The following USH2A variants were observed in gnomAD, a reference collection of about 807,000 sequenced individuals.
The protein encoded by USH2A is Usher syndrome 2A (autosomal recessive, mild).
Under a neutral mutation model 538.9 loss-of-function variants are expected in USH2A, and 443 were observed. The observed-to-expected ratio is 0.82, with a 90% confidence interval of 0.76 to 0.89. USH2A has a LOEUF of 0.89. Ranked by LOEUF, USH2A falls within the 40% of genes least tolerant of loss-of-function variation. The pLI, the probability that USH2A is intolerant of heterozygous loss-of-function variation, is 0.00. For missense variants in USH2A, 6,633 were observed against 6,324.8 expected, an observed-to-expected ratio of 1.05 and a Z score of -1.65; for synonymous variants, 2,413 against 2,273.5, an observed-to-expected ratio of 1.06 and a Z score of -1.75.
chr1:216,200,321 T>G (rs2102468052), intron 16 of USH2A, among the ~76,000 whole-genome samples, 200 bp from the exon 17 acceptor site: 1 of 152,340 alleles, frequency 6.6e-6, no homozygotes, highest in East Asian at 1.9e-4. Context: ...TATAAGAAAG[T>G]ATCATTCATA....
intron 47 of USH2A, among the ~76,000 whole-genome samples, chr1:215,836,548 TATATA>T (rs1177538760): frequency 5.4e-5 from 1 of 18,408 alleles, no homozygotes; most frequent in African/African-American, 1.9e-4. Flanking sequence ...ATATAATATA[TATATA>T]TATATATATA....
chr1:216,073,090 A>G lies in USH2A; in HGVS notation c.5776+7T>C, dbSNP rs397518020. ...GTAACATTTAATTTAGAGGACCTCCACATTACCTGTAAAAGGCTGGAGACC... is the reference window on the plus strand; with the variant it reads ...GTAACATTTAATTTAGAGGACCTCCGCATTACCTGTAAAAGGCTGGAGACC... On this transcript the variant is annotated splice_region_variant and intron_variant, in intron 28 of 71. Coordinates refer to ENST00000307340, the MANE Select transcript of USH2A (RefSeq NM_206933.4). The G allele has an allele frequency of 1.2e-6, 2 of 1,613,732 alleles. No individual in the cohort carries two copies. Among genetic ancestry groups the G allele is most frequent in the African/African-American group, 2.7e-5 (2 of 74,914 alleles).
chr1:216,365,027 A>G lies in USH2A; in HGVS notation c.710T>C (p.Phe237Ser), dbSNP rs2038567820. 1 of 1,613,638 alleles carries G rather than the reference A, an allele frequency of 6.2e-7. No individual in the cohort carries two copies. Among genetic ancestry groups the G allele is most frequent in the Admixed American group, 1.7e-5 (1 of 59,986 alleles). ...INGVEKDHTP[F>S]NARTLSGSIT... ...TGAACCACTTAGAGTTCTTGCATTG[A>G]AAGGTGTATGATCCTTCTCCACGCC... Residue 237 changes from phenylalanine (F) to serine (S), a missense_variant, in exon 4 of 72, where the codon TTC becomes TCC. Transcript: ENST00000307340.
intron 69 of USH2A, among the ~76,000 whole-genome samples, chr1:215,636,171 C>A (rs1330130037): frequency 6.6e-6 from 1 of 152,172 alleles, no homozygotes; most frequent in Non-Finnish European, 1.5e-5. Flanking sequence ...ACTCACTGGA[C>A]AAATCTCCCC....
intron 15 of USH2A, among the ~76,000 whole-genome samples, chr1:216,212,907 C>T (rs968106040): frequency 1.8e-4 from 28 of 152,194 alleles, no homozygotes; most frequent in African/African-American, 6.7e-4. Context: ...GGGAAAATTA[C>T]TTCTATCTTA....
In USH2A at chr1:215,640,623, T is replaced by C; in HGVS notation, c.14903A>G (p.Asp4968Gly). Reference sequence around the variant, plus strand: ...GCCGCTGTACACGCGTCGCCCTCCGTCGGTTAACACGTACTCCTTCAGTTG... The same window carrying C: ...GCCGCTGTACACGCGTCGCCCTCCGCCGGTTAACACGTACTCCTTCAGTTG... ...NGQLKEYVLTDGGRRVYSGLD... is the reference protein window; with the variant it reads ...NGQLKEYVLTGGGRRVYSGLD... Residue 4968 changes from aspartate (D) to glycine (G), a missense_variant, in exon 68 of 72, where the codon GAC (aspartate) becomes GGC (glycine). Transcript: ENST00000307340. 6.2e-7 allele frequency: 1 copy of C among 1,613,754 alleles called. No individual in the cohort carries two copies. Among genetic ancestry groups the C allele is most frequent in the Non-Finnish European group, 8.5e-7 (1 of 1,179,940 alleles).
chr1:216,116,567 C>A (rs980726543), intron 21 of USH2A, among the ~76,000 whole-genome samples: 6 of 152,082 alleles, frequency 3.9e-5, no homozygotes, highest in Admixed American at 1.3e-4. Flanking sequence ...GCAATTGGAC[C>A]AATACGATAC....
Position 216,190,242 on chromosome 1 carries a change from T to A in USH2A, c.4377A>T (p.Ala1459=). 6.2e-7 allele frequency: 1 copy of A among 1,612,464 alleles called. No individual in the cohort carries two copies. The highest frequency in any genetic ancestry group is 1.7e-5 in the Admixed American group (1 of 59,814). The change falls in exon 20 of 72, where the codon GCA becomes GCT. Residue 1459 remains alanine, a synonymous_variant. Coordinates refer to ENST00000307340, the MANE Select transcript of USH2A (RefSeq NM_206933.4). ...GCTTACCTGCTGCTAAAGTTTGTCC[T>A]GCTCCCGAAGCACTGGTCACACAAC... ...SVGCVTSASG[A]GQTLAAAPAQ... is the part of the protein sequence containing the mutation.
At chr1:216,209,481 A>G (rs775624235) in intron 15 of USH2A, among the ~76,000 whole-genome samples, 8 of 152,218 alleles carry the variant, frequency 5.3e-5, no homozygotes, top group Admixed American at 3.3e-4. Context: ...CTGCAAACTA[A>G]GCAAAGACTT....
At chr1:216,310,305 C>G (rs1187498612) in intron 9 of USH2A, among the ~76,000 whole-genome samples, 1 of 151,982 alleles carries the variant, frequency 6.6e-6, no homozygotes, top group Non-Finnish European at 1.5e-5. Flanking sequence ...AATATATCAA[C>G]TATACCTTTT....
At chr1:215,796,320 C>T (rs1157921398) in intron 50 of USH2A, among the ~76,000 whole-genome samples, 1 of 152,040 alleles carries the variant, frequency 6.6e-6, no homozygotes, top group Non-Finnish European at 1.5e-5. Flanking sequence ...TCTATTGGTG[C>T]CAATTTTCCA....
chr1:215,918,021 T>G (rs1666004360), intron 38 of USH2A, among the ~76,000 whole-genome samples: 1 of 151,752 alleles, frequency 6.6e-6, no homozygotes, highest in East Asian at 2.0e-4. Context: ...TATTTTAGAG[T>G]TGGACTCTTC....
At chr1:215,879,622 T>C (rs559329705) in intron 41 of USH2A, among the ~76,000 whole-genome samples, 14 of 152,340 alleles carry the variant, frequency 9.2e-5, no homozygotes, top group Non-Finnish European at 1.5e-4. Context: ...CTTATTTATA[T>C]ATAACTTAGC....
intron 32 of USH2A, among the ~76,000 whole-genome samples, chr1:216,031,613 G>T (rs974125215): frequency 6.6e-6 from 1 of 152,160 alleles, no homozygotes; most frequent in Non-Finnish European, 1.5e-5. Context: ...TCTTCGCTAT[G>T]TTGAAGCAAT....
intron 38 of USH2A, among the ~76,000 whole-genome samples, chr1:215,931,072 T>C (rs1325909469): frequency 1.3e-5 from 2 of 151,850 alleles, no homozygotes; most frequent in Non-Finnish European, 2.9e-5. Flanking sequence ...TGCTACATAA[T>C]TGGAAAAAAC....
At chr1:215,679,553 C>G (rs576943376) in intron 62 of USH2A, among the ~76,000 whole-genome samples, 126 of 152,318 alleles carry the variant, frequency 8.3e-4, no homozygotes, top group African/African-American at 2.9e-3. Context: ...TTCAAAACAT[C>G]AAAATGCAGG....
chr1:215,821,161 C>A (rs1663002244), intron 47 of USH2A, among the ~76,000 whole-genome samples: 1 of 151,782 alleles, frequency 6.6e-6, no homozygotes, highest in Non-Finnish European at 1.5e-5. Context: ...GAGGAACCCC[C>A]ATACAATATT....
At chr1:215,810,033 G>A (rs1662621737) in intron 49 of USH2A, among the ~76,000 whole-genome samples, 1 of 152,056 alleles carries the variant, frequency 6.6e-6, no homozygotes, top group African/African-American at 2.4e-5. Context: ...ATTAATGATT[G>A]GAGCAAAACA....
intron 55 of USH2A, among the ~76,000 whole-genome samples, chr1:215,779,370 T>C (rs1389466876): frequency 6.6e-6 from 1 of 152,184 alleles, no homozygotes; most frequent in Non-Finnish European, 1.5e-5. Flanking sequence ...ACAATTGCTA[T>C]TAATTAACAT....
Sources: gnomAD v4.1 joint callset for allele counts (sites outside exome capture counted in the v4.1 genomes callset) on GRCh38, gnomAD v4.1.1 for gene constraint, MANE v1.5 for transcripts, NCBI Gene and HGNC (gene_info 2026-07-23, HGNC 2026-07-21) for gene names.